Variants in ARHGAP20 observed in about 807,000 individuals in gnomAD.
ARHGAP20 encodes Rho GTPase activating protein 20, also known as rho GTPase-activating protein 20.
ARHGAP20 carries 34 observed loss-of-function variants against 73.7 expected under a neutral mutation model. The ratio of observed to expected loss-of-function variants is 0.46; its 90% confidence interval spans 0.35 to 0.61. The LOEUF (loss-of-function observed/expected upper bound fraction) is 0.61. Ranked by LOEUF, ARHGAP20 falls within the 20% of genes least tolerant of loss-of-function variation. The pLI, the probability that ARHGAP20 is intolerant of heterozygous loss-of-function variation, is 0.00. For missense variants in ARHGAP20, 1,314 were observed against 1,420.9 expected, an observed-to-expected ratio of 0.92 and a Z score of 1.21; for synonymous variants, 523 against 518.2, an observed-to-expected ratio of 1.01 and a Z score of -0.13.
chr11:110,600,327 T>C (rs114203785), intron 9 of ARHGAP20, among the ~76,000 whole-genome samples: 2,861 of 152,322 alleles, frequency 0.019, 91 homozygotes, highest in African/African-American at 0.066. Context: ...TCTCCAAGCT[T>C]CTGGGCACCA....
Position 110,578,341 on chromosome 11 carries a change from A to G in ARHGAP20, c.*1029T>C. The G allele has an allele frequency of 1.0e-6, 1 of 985,446 alleles. No individual in the cohort carries two copies. The highest frequency in any genetic ancestry group is 1.7e-5 in the African/African-American group (1 of 57,368). The allele number at this position is 985,446 out of a possible 1,614,324, so 61.0% of individuals were successfully genotyped here. A position where few individuals can be genotyped will look rare whatever the true frequency, so the allele number is the denominator to read the frequency against. The stretch of plus-strand genomic sequence containing the variant: ...CGGCCAACCTCAATATTGCTCTCTC[A>G]ATTGCCAAACTACAAAAATCAGAAA... On this transcript the variant is annotated 3_prime_UTR_variant, in exon 15 of 15. Transcript: ENST00000683387.
At chr11:110,605,042 CA>C (rs1260541993) in intron 9 of ARHGAP20, among the ~76,000 whole-genome samples, 1 of 152,092 alleles carries the variant, frequency 6.6e-6, no homozygotes, top group Non-Finnish European at 1.5e-5. Flanking sequence ...TCCAACAGTG[CA>C]CAGAGTTAAT....
At chr11:110,614,389 C>T (rs888921451) in intron 6 of ARHGAP20, among the ~76,000 whole-genome samples, 172 bp downstream of exon 6, 11 of 152,136 alleles carry the variant, frequency 7.2e-5, no homozygotes, top group African/African-American at 2.7e-4. Flanking sequence ...TATATGAAGA[C>T]ATACATATAA....
Position 110,579,376 on chromosome 11 carries a change from G to A in ARHGAP20, c.3570C>T (p.Asp1190=), listed in dbSNP as rs1398492249. The change falls in exon 15 of 15, where the codon GAC becomes GAT. Residue 1190 remains aspartate (D), a synonymous_variant. Coordinates refer to ENST00000683387, the MANE Select transcript of ARHGAP20 (RefSeq NM_001384657.1). ...CDIEDRYLTK[D]I ...CATCAGATTCTTACTATGCTTAAAT[G>A]TCTTTGGTTAAATACCTGTCCTCAA... The A allele has an allele frequency of 1.3e-6, 2 of 1,587,018 alleles. No individual in the cohort carries two copies. Among genetic ancestry groups the A allele is most frequent in the East Asian group, 2.3e-5 (1 of 44,146 alleles).
chr11:110,656,219 T>C (rs1949463264), intron 2 of ARHGAP20, among the ~76,000 whole-genome samples: 1 of 152,080 alleles, frequency 6.6e-6, no homozygotes, highest in Non-Finnish European at 1.5e-5. Context: ...CTACTGCTTG[T>C]TACTCAGCAT....
intron 2 of ARHGAP20, among the ~76,000 whole-genome samples, chr11:110,658,427 G>GT (rs776531081): frequency 3.9e-5 from 6 of 151,994 alleles, no homozygotes; most frequent in African/African-American, 7.3e-5. Flanking sequence ...CTTCCTTAAG[G>GT]TACTACAGTT....
intron 1 of ARHGAP20, among the ~76,000 whole-genome samples, chr11:110,710,869 G>A (rs953159737): frequency 2.0e-5 from 3 of 152,196 alleles, no homozygotes; most frequent in Non-Finnish European, 4.4e-5. Flanking sequence ...AAGACAAGCA[G>A]GGAACCTGCG....
At chr11:110,628,043 A>AGAAG (rs1274043772) in intron 3 of ARHGAP20, among the ~76,000 whole-genome samples, 1 of 152,220 alleles carries the variant, frequency 6.6e-6, no homozygotes, top group Non-Finnish European at 1.5e-5. Context: ...TTTAGTCAAA[A>AGAAG]GAAGGAAGTA....
At chr11:110,656,665 G>A (rs1949474444) in intron 2 of ARHGAP20, among the ~76,000 whole-genome samples, 2 of 152,180 alleles carry the variant, frequency 1.3e-5, no homozygotes, top group African/African-American at 4.8e-5. Context: ...AAAAAGTTCT[G>A]AGAAAAAGCC....
chr11:110,628,751 T>G (rs1015852771), intron 3 of ARHGAP20, among the ~76,000 whole-genome samples: 1 of 152,160 alleles, frequency 6.6e-6, no homozygotes, highest in Admixed American at 6.5e-5. Context: ...TAAAGTTATC[T>G]CAAAAGCAGT....
At chr11:110,642,933 G>GT (rs953841439) in intron 2 of ARHGAP20, among the ~76,000 whole-genome samples, 1 of 151,990 alleles carries the variant, frequency 6.6e-6, no homozygotes, top group African/African-American at 2.4e-5. Flanking sequence ...TGGTTGGTAG[G>GT]TTTTTTATTA....
intron 12 of ARHGAP20, among the ~76,000 whole-genome samples, chr11:110,585,043 A>ATG (rs1947614790): frequency 7.1e-6 from 1 of 141,534 alleles, no homozygotes; most frequent in Admixed American, 7.1e-5. Flanking sequence ...ATGTGAATAT[A>ATG]TATGAATATA....
rs539362160 is a variant in ARHGAP20, at chr11:110,634,250, A to AACTTT, written c.189-3459_189-3458insAAAGT. Among the ~76,000 whole-genome samples the AACTTT allele has an allele frequency of 1.6e-4, 25 of 152,232 alleles. No homozygotes were observed. In the South Asian group the frequency reaches 5.2e-3, roughly 32 times the overall value. ...GGAATTTGAGGAGTAAAAGGATGAG[A>AACTTT]AGTGAGGAACTAAAGGCAAAACTCT... On this transcript the variant is annotated intron_variant, in intron 2 of 14. Transcript: ENST00000683387.
intron 4 of ARHGAP20, among the ~76,000 whole-genome samples, chr11:110,616,645 T>A (rs1948489234): frequency 6.6e-6 from 1 of 151,970 alleles, no homozygotes; most frequent in Non-Finnish European, 1.5e-5. Context: ...CCATAAGCAA[T>A]CTCCCAGGAT....
intron 3 of ARHGAP20, among the ~76,000 whole-genome samples, chr11:110,628,064 G>A (rs1329660112): frequency 1.3e-5 from 2 of 152,102 alleles, no homozygotes; most frequent in Non-Finnish European, 2.9e-5. Flanking sequence ...TTTAATACCC[G>A]TTTTACTGTT....
rs182663804 is a variant in ARHGAP20, at chr11:110,711,645, C to T, written c.105+482G>A. On this transcript the variant is annotated intron_variant, in intron 1 of 14. Transcript: ENST00000683387. ...GGGGCCGAGCCCACCAGCGCCGCAG[C>T]CCCGCTGCCTACCTTCTTCAGCGCC... is the stretch of plus-strand genomic sequence containing the variant. The T allele has an allele frequency of 1.4e-3, 2,003 of 1,478,194 alleles. 65 individuals are homozygous for T. In the East Asian group the frequency reaches 0.053, roughly 39 times the overall value. The allele number at this position is 1,478,194 out of a possible 1,614,324, so 91.6% of individuals were successfully genotyped here. A position where few individuals can be genotyped will look rare whatever the true frequency, so the allele number is the denominator to read the frequency against.
chr11:110,580,660 G>A lies in ARHGAP20; in HGVS notation c.2286C>T (p.Val762=), dbSNP rs765966631. The change falls in exon 15 of 15, where the codon GTC becomes GTT. Residue 762 remains valine (V), a synonymous_variant. Coordinates refer to ENST00000683387, the MANE Select transcript of ARHGAP20 (RefSeq NM_001384657.1). The part of the protein sequence containing the change: ...EGKTCFKQSL[V]TGTDVSKKNA... ...TTTTCTTGCTGACATCAGTGCCTGT[G>A]ACTAAACTCTGTTTAAAACATGTCT... 31 of 1,614,006 alleles carry A rather than the reference G, an allele frequency of 1.9e-5. No homozygotes were observed. The highest frequency in any genetic ancestry group is 2.7e-5 in the African/African-American group (2 of 74,920).
chr11:110,640,665 A>C (rs1456082809), intron 2 of ARHGAP20, among the ~76,000 whole-genome samples: 1 of 151,808 alleles, frequency 6.6e-6, no homozygotes, highest in Non-Finnish European at 1.5e-5. Flanking sequence ...TGATAAAATC[A>C]CATTGAAATT....
At chr11:110,688,156 C>A (rs1309928650) in intron 2 of ARHGAP20, among the ~76,000 whole-genome samples, 1 of 152,136 alleles carries the variant, frequency 6.6e-6, no homozygotes, top group Non-Finnish European at 1.5e-5. Context: ...CTTCTCTACG[C>A]AGGATATTCT....
Sources: allele counts gnomAD v4.1 joint callset (sites outside exome capture counted in the v4.1 genomes callset), GRCh38; gene constraint gnomAD v4.1.1; transcripts MANE v1.5; gene names NCBI Gene and HGNC (gene_info 2026-07-23, HGNC 2026-07-21).